Variants in ATP2B1 observed in about 807,000 individuals in gnomAD.
ATP2B1 encodes the protein ATPase plasma membrane Ca2+ transporting 1, also known as plasma membrane calcium-transporting ATPase 1.
Under a neutral mutation model 124.2 loss-of-function variants are expected in ATP2B1, and 14 were observed. The ratio of observed to expected loss-of-function variants is 0.11; its 90% confidence interval spans 0.07 to 0.18. ATP2B1 has a LOEUF of 0.18. ATP2B1 is among the 10% of genes least tolerant of loss of function. The pLI is 1.00. For missense variants in ATP2B1, 763 were observed against 1,466.1 expected, an observed-to-expected ratio of 0.52 and a Z score of 7.83; for synonymous variants, 449 against 492.4, an observed-to-expected ratio of 0.91 and a Z score of 1.17.
At chr12:89,597,732 G>A (rs998354091) in intron 20 of ATP2B1, among the ~76,000 whole-genome samples, 5 of 151,984 alleles carry the variant, frequency 3.3e-5, no homozygotes, top group African/African-American at 7.2e-5. Context: ...TTGAGAATGC[G>A]CCATGAATTC....
chr12:89,661,813 C>T (rs1230066959), intron 1 of ATP2B1, among the ~76,000 whole-genome samples: 1 of 152,112 alleles, frequency 6.6e-6, no homozygotes, highest in East Asian at 1.9e-4. Flanking sequence ...GACATAGTTA[C>T]ACCAAGAGCG....
chr12:89,683,268 G>A (rs1414004077), intron 1 of ATP2B1, among the ~76,000 whole-genome samples: 1 of 152,094 alleles, frequency 6.6e-6, no homozygotes, highest in Non-Finnish European at 1.5e-5. Context: ...CTTTTACACA[G>A]CCATGTGGAG....
intron 3 of ATP2B1, among the ~76,000 whole-genome samples, chr12:89,636,393 G>C (rs1045251977): frequency 3.9e-5 from 6 of 152,116 alleles, no homozygotes; most frequent in Non-Finnish European, 7.4e-5. Context: ...GAAAGGATAT[G>C]TATGTAGTAA....
intron 1 of ATP2B1, among the ~76,000 whole-genome samples, chr12:89,689,048 T>G (rs1016981617): frequency 1.3e-5 from 2 of 152,028 alleles, no homozygotes; most frequent in Admixed American, 1.3e-4. Flanking sequence ...TTCACTGACT[T>G]CAGTGAATCT....
At chr12:89,648,749 G>C (rs2136299309) in intron 2 of ATP2B1, among the ~76,000 whole-genome samples, 1 of 152,342 alleles carries the variant, frequency 6.6e-6, no homozygotes, top group South Asian at 2.1e-4. Flanking sequence ...AGAGATCTTT[G>C]GGATAGCCCC....
chr12:89,624,252 T>G lies in ATP2B1; in HGVS notation c.1275A>C (p.Thr425=). The G allele has an allele frequency of 6.2e-7, 1 of 1,614,194 alleles. No homozygotes were observed. Among genetic ancestry groups the G allele is most frequent in the Non-Finnish European group, 8.5e-7 (1 of 1,180,036 alleles). ...YFVKFFIIGV[T]VLVVAVPEGL... ...CTTCTGGCACTGCGACCACTAAAAC[T>G]GTAACTCCAATAATGAAGAACTTCA... is the stretch of plus-strand genomic sequence containing the variant. The change falls in exon 9 of 21, where the codon ACA becomes ACC. Residue 425 remains threonine, a synonymous_variant. Transcript: ENST00000428670.
chr12:89,603,820 G>A lies in ATP2B1; in HGVS notation c.2740C>T (p.Arg914Trp). ...GGCTTATTTCTACCATAAGGTTTCC[G>A]AAGCAAGAGAGACTCAGTGGGTGGT... is the stretch of plus-strand genomic sequence containing the variant. ...TEPPTESLLL[R>W]KPYGRNKPLI... Residue 914 changes from arginine to tryptophan, a missense_variant, in exon 17 of 21, where the codon CGG (arginine) becomes TGG (tryptophan). Transcript: ENST00000428670. The surrounding 1 kb of genome is among the most constrained non-coding windows in gnomAD (Gnocchi z 4.3). 1.2e-6 allele frequency: 2 copies of A among 1,614,076 alleles called. No homozygotes were observed. The highest frequency in any genetic ancestry group is 1.3e-5 in the African/African-American group (1 of 75,032).
chr12:89,641,227 TAAAG>T (rs1452122711), intron 3 of ATP2B1, among the ~76,000 whole-genome samples: 2 of 152,114 alleles, frequency 1.3e-5, no homozygotes, highest in African/African-American at 4.8e-5. Flanking sequence ...AAAAGGCAGA[TAAAG>T]AAATTTAAAA....
intron 2 of ATP2B1, among the ~76,000 whole-genome samples, chr12:89,654,736 T>C (rs1375101879): frequency 6.6e-6 from 1 of 152,316 alleles, no homozygotes; most frequent in Admixed American, 6.5e-5. Context: ...AGCAATAGCA[T>C]GGCATAAAAT....
chr12:89,682,128 C>T (rs905069101), intron 1 of ATP2B1, among the ~76,000 whole-genome samples: 2 of 151,994 alleles, frequency 1.3e-5, no homozygotes, highest in Non-Finnish European at 2.9e-5. Context: ...AACTCCACCA[C>T]GATAGCAACC....
intron 7 of ATP2B1, among the ~76,000 whole-genome samples, chr12:89,627,007 C>G (rs926924327): frequency 6.6e-6 from 1 of 152,060 alleles, no homozygotes. Flanking sequence ...ATATATGACT[C>G]TTAAATAAAT....
At chr12:89,701,235 T>C (rs967250654) in intron 1 of ATP2B1, among the ~76,000 whole-genome samples, 2 of 152,198 alleles carry the variant, frequency 1.3e-5, no homozygotes, top group African/African-American at 4.8e-5. Context: ...TTGGTCTGTC[T>C]AAATGTGCCC....
At chr12:89,668,696 C>T (rs76656907) in intron 1 of ATP2B1, among the ~76,000 whole-genome samples, 2,730 of 152,204 alleles carry the variant, frequency 0.018, 71 homozygotes, top group African/African-American at 0.061. Context: ...TCCCTTCTCA[C>T]GAGGTTTTCA....
At chr12:89,674,937 C>T (rs376976571) in intron 1 of ATP2B1, among the ~76,000 whole-genome samples, 2 of 152,120 alleles carry the variant, frequency 1.3e-5, no homozygotes, top group African/African-American at 4.8e-5. Flanking sequence ...AAACACTAGC[C>T]GTTACATAAA....
At chr12:89,678,190 CCTTT>C (rs761339061) in intron 1 of ATP2B1, among the ~76,000 whole-genome samples, 17 of 151,794 alleles carry the variant, frequency 1.1e-4, no homozygotes, top group Non-Finnish European at 2.1e-4. Context: ...TAACATACTG[CCTTT>C]CTTTTCCCTA....
intron 20 of ATP2B1, among the ~76,000 whole-genome samples, chr12:89,596,416 A>G (rs1252721448): frequency 6.6e-6 from 1 of 152,142 alleles, no homozygotes; most frequent in Non-Finnish European, 1.5e-5. Context: ...CATAACACAC[A>G]TACTGTCAAT....
intron 1 of ATP2B1, among the ~76,000 whole-genome samples, chr12:89,688,192 G>A (rs1032654231): frequency 2.0e-5 from 3 of 152,046 alleles, no homozygotes; most frequent in African/African-American, 2.4e-5. Context: ...TCAGATTTTT[G>A]TTCACTGTGC....
At chr12:89,629,296 G>A (rs1190929078) in intron 6 of ATP2B1, among the ~76,000 whole-genome samples, 1 of 152,162 alleles carries the variant, frequency 6.6e-6, no homozygotes, top group Non-Finnish European at 1.5e-5. Flanking sequence ...GTAAGCCTCA[G>A]TTTACTTATC....
chr12:89,633,909 T>C (rs180811875), intron 5 of ATP2B1, among the ~76,000 whole-genome samples: 2 of 152,276 alleles, frequency 1.3e-5, no homozygotes, highest in East Asian at 1.9e-4. Context: ...AAATTCCATA[T>C]AGAATACTGG....
Sources: allele counts gnomAD v4.1 joint callset (sites outside exome capture counted in the v4.1 genomes callset), GRCh38; gene constraint gnomAD v4.1.1; non-coding constraint Gnocchi (gnomAD v3.1); transcripts MANE v1.5; gene names NCBI Gene and HGNC (gene_info 2026-07-23, HGNC 2026-07-21).